The following ROBO2 variants were observed in gnomAD, a reference collection of about 807,000 sequenced individuals.
The protein encoded by ROBO2 is roundabout homolog 2.
Under a neutral mutation model 160.8 loss-of-function variants are expected in ROBO2, and 53 were observed. That is an observed-to-expected ratio of 0.33 (90% CI 0.26 to 0.41). ROBO2 has a LOEUF of 0.41. ROBO2 is among the 10% of genes least tolerant of loss of function. The pLI is 1.00. For missense variants in ROBO2, 1,577 were observed against 1,722.4 expected, an observed-to-expected ratio of 0.92 and a Z score of 1.49; for synonymous variants, 664 against 611.7, an observed-to-expected ratio of 1.09 and a Z score of -1.26.
chr3:77,426,779 A>G (rs961520173), intron 2 of ROBO2, among the ~76,000 whole-genome samples: 30 of 152,162 alleles, frequency 2.0e-4, no homozygotes, highest in Non-Finnish European at 4.0e-4. Context: ...TCAACCTTAC[A>G]CATTGAAATC....
At chr3:76,041,430 A>G (rs2067269985) in intron 2 of ROBO2, among the ~76,000 whole-genome samples, 1 of 151,964 alleles carries the variant, frequency 6.6e-6, no homozygotes, top group East Asian at 1.9e-4. Flanking sequence ...AGTTACTTGG[A>G]ACAGATTTTC....
At chr3:76,081,432 T>G (rs1470371699) in intron 2 of ROBO2, among the ~76,000 whole-genome samples, 1 of 152,138 alleles carries the variant, frequency 6.6e-6, no homozygotes, top group African/African-American at 2.4e-5. Flanking sequence ...TTTGATAATA[T>G]GAGTTTAGCT....
chr3:76,243,148 G>C (rs567870877), intron 2 of ROBO2, among the ~76,000 whole-genome samples: 17 of 152,032 alleles, frequency 1.1e-4, no homozygotes, highest in African/African-American at 3.9e-4. Context: ...TTTTTCTCTC[G>C]GACTTCGGAT....
chr3:77,021,057 A>T (rs1412744992), intron 2 of ROBO2, among the ~76,000 whole-genome samples: 1 of 152,010 alleles, frequency 6.6e-6, no homozygotes, highest in Non-Finnish European at 1.5e-5. Flanking sequence ...ATTTTTTAAA[A>T]AAATTATCTG....
chr3:75,984,798 G>T (rs1237291456), intron 2 of ROBO2, among the ~76,000 whole-genome samples: 3 of 151,302 alleles, frequency 2.0e-5, no homozygotes, highest in South Asian at 2.1e-4. Context: ...TGGCTTAGGG[G>T]TCTATTTCTG....
chr3:76,382,150 T>C (rs1284565667), intron 2 of ROBO2, among the ~76,000 whole-genome samples: 1 of 152,080 alleles, frequency 6.6e-6, no homozygotes, highest in Non-Finnish European at 1.5e-5. Flanking sequence ...GTATTTTTGG[T>C]AGAAACGAGG....
intron 2 of ROBO2, among the ~76,000 whole-genome samples, chr3:76,825,472 C>T (rs912513451): frequency 2.6e-5 from 4 of 151,896 alleles, no homozygotes; most frequent in Non-Finnish European, 4.4e-5. Context: ...AACTTCCCCT[C>T]CTGTTTTCCC....
intron 13 of ROBO2, among the ~76,000 whole-genome samples, chr3:77,569,466 T>A (rs1559633534): frequency 6.6e-6 from 1 of 152,024 alleles, no homozygotes; most frequent in African/African-American, 2.4e-5. Flanking sequence ...ACTTTTTTTT[T>A]AGAGAAATGT....
chr3:76,965,242 G>A (rs2079979836), intron 2 of ROBO2, among the ~76,000 whole-genome samples: 1 of 152,222 alleles, frequency 6.6e-6, no homozygotes, highest in Non-Finnish European at 1.5e-5. Context: ...CTCACTGCCA[G>A]GCAAATCCAG....
At chr3:76,665,295 T>G (rs1437782891) in intron 2 of ROBO2, among the ~76,000 whole-genome samples, 1 of 152,106 alleles carries the variant, frequency 6.6e-6, no homozygotes. Context: ...AAATCCTCAA[T>G]AGCAAAGGAG....
At chr3:77,298,033 G>T (rs2062310015) in intron 2 of ROBO2, among the ~76,000 whole-genome samples, 1 of 152,132 alleles carries the variant, frequency 6.6e-6, no homozygotes, top group African/African-American at 2.4e-5. Context: ...CATTGTGCTT[G>T]TGGGTTATTC....
chr3:76,137,338 G>C (rs1290198168), intron 2 of ROBO2, among the ~76,000 whole-genome samples: 1 of 151,828 alleles, frequency 6.6e-6, no homozygotes, highest in East Asian at 1.9e-4. Context: ...GTAATTCTTG[G>C]TTGCCGAAAA....
At chr3:76,137,332 T>A (rs990226257) in intron 2 of ROBO2, among the ~76,000 whole-genome samples, 13 of 152,038 alleles carry the variant, frequency 8.6e-5, no homozygotes, top group Non-Finnish European at 1.6e-4. Context: ...AATGTAGTAA[T>A]TCTTGGTTGC....
intron 2 of ROBO2, among the ~76,000 whole-genome samples, chr3:77,339,175 T>C (rs2066797311): frequency 6.6e-6 from 1 of 152,224 alleles, no homozygotes; most frequent in Admixed American, 6.6e-5. Context: ...GATAAAAAAA[T>C]TAACACTCTT....
In ROBO2 at chr3:76,528,725, C is replaced by T. The variant is rs140948527; in HGVS notation, c.110-569289C>T. On this transcript the variant is annotated intron_variant, in intron 2 of 26. Transcript: ENST00000487694. ...AGCATATAGATGGTATTTAAATCTA[C>T]GAGACCAGATGTGATCACCAGGGGA... Among the ~76,000 whole-genome samples the T allele has an allele frequency of 5.1e-3, 768 of 151,980 alleles. 5 individuals carry two copies. Among genetic ancestry groups the T allele is most frequent in the African/African-American group, 0.018 (739 of 41,448 alleles).
chr3:77,559,393 T>C (rs1407902766), intron 9 of ROBO2, among the ~76,000 whole-genome samples: 1 of 152,102 alleles, frequency 6.6e-6, no homozygotes, highest in Non-Finnish European at 1.5e-5. Context: ...ACCTGCCATG[T>C]AGCAAGTGCT....
intron 2 of ROBO2, among the ~76,000 whole-genome samples, chr3:77,437,099 CT>C (rs567398172): frequency 3.9e-5 from 6 of 151,988 alleles, no homozygotes; most frequent in Non-Finnish European, 7.4e-5. Flanking sequence ...TCCACATCTT[CT>C]GTTATTCATA....
intron 2 of ROBO2, among the ~76,000 whole-genome samples, chr3:77,287,413 T>C (rs543019535): frequency 1.4e-5 from 2 of 146,124 alleles, no homozygotes; most frequent in Non-Finnish European, 3.1e-5. Context: ...TCAAAATGTT[T>C]TGTAATACAA....
chr3:77,544,837 G>A (rs1297180068), intron 6 of ROBO2, among the ~76,000 whole-genome samples: 2 of 152,070 alleles, frequency 1.3e-5, no homozygotes, highest in East Asian at 3.9e-4. Flanking sequence ...TATTAGAAAA[G>A]TCATGGAATA....
Sources: gnomAD v4.1 joint callset for allele counts (sites outside exome capture counted in the v4.1 genomes callset) on GRCh38, gnomAD v4.1.1 for gene constraint, MANE v1.5 for transcripts, NCBI Gene and HGNC (gene_info 2026-07-23, HGNC 2026-07-21) for gene names.